Variants in NELFE observed in about 807,000 individuals in gnomAD.
The protein encoded by NELFE is negative elongation factor complex member E, also known as negative elongation factor E.
NELFE carries 26 observed loss-of-function variants against 55.5 expected under a neutral mutation model. The ratio of observed to expected loss-of-function variants is 0.47; its 90% CI spans 0.34 to 0.65. NELFE has a LOEUF of 0.65. Ranked by LOEUF, NELFE falls within the 30% of genes least tolerant of loss-of-function variation. The pLI is 0.01. For missense variants in NELFE, 403 were observed against 506.9 expected, an observed-to-expected ratio of 0.80 and a Z score of 1.97; for synonymous variants, 162 against 178.0, an observed-to-expected ratio of 0.91 and a Z score of 0.72.
Position 31,954,210 on chromosome 6 carries a change from C to T in NELFE, c.888-76G>A, listed in dbSNP as rs544675790. 147 of 1,608,616 alleles carry T rather than the reference C, an allele frequency of 9.1e-5. 2 individuals are homozygous for T. The East Asian group carries it at 3.0e-3, about 33-fold the overall frequency. ...CCCAACCAAACCCAGTGATAATAGG[C>T]GGCTGCAGGGAGGGCAGCTTCTTCC... is the stretch of plus-strand genomic sequence containing the variant. On this transcript the variant is annotated intron_variant, in intron 8 of 10. Transcript: ENST00000375429. This position sits in a 1 kb window ranked among gnomAD's most constrained non-coding sequence, Gnocchi z 5.5.
intron 10 of NELFE, among the ~76,000 whole-genome samples, chr6:31,952,765 G>A (rs1250214759): frequency 6.6e-6 from 1 of 152,136 alleles, no homozygotes; most frequent in Non-Finnish European, 1.5e-5. Context: ...TGCCTGAAGG[G>A]CCACTGTAGC....
chr6:31,958,333 C>G (rs1475496908), intron 2 of NELFE, 39 bp downstream of exon 2: 1 of 1,581,540 alleles, frequency 6.3e-7, no homozygotes, highest in Admixed American at 1.7e-5. Flanking sequence ...AGTGCAGAGT[C>G]TGTGAAAGGT....
Position 31,954,482 on chromosome 6 carries a change from G to A in NELFE, c.743-40C>T, listed in dbSNP as rs543366600. ...ATCATAGTCACAAGACATAGACCAT[G>A]CCACATTTCACTTAGTAGGACCCAC... On this transcript the variant is annotated intron_variant, in intron 7 of 10. Transcript: ENST00000375429. The surrounding 1 kb of genome is among the most constrained non-coding windows in gnomAD (Gnocchi z 5.5). 3.2e-6 allele frequency: 5 copies of A among 1,580,276 alleles called. No homozygotes were observed. Among genetic ancestry groups the A allele is most frequent in the South Asian group, 1.2e-5 (1 of 85,666 alleles).
chr6:31,954,348 G>T lies in NELFE; in HGVS notation c.837C>A (p.Ala279=). The T allele has an allele frequency of 6.2e-7, 1 of 1,613,752 alleles. No homozygotes were observed. The highest frequency in any genetic ancestry group is 8.5e-7 in the Non-Finnish European group (1 of 1,179,882). ...CAATGATGTTTCCAAAAGGAGAGAA[G>T]GCCCCACGGAGAAGGGTGGGTGTCA... The part of the protein sequence containing the change: ...EDMTPTLLRG[A]FSPFGNIIDL... The change falls in exon 8 of 11, where the codon GCC becomes GCA. Residue 279 remains alanine (A), a synonymous_variant. Transcript: ENST00000375429. This position sits in a 1 kb window ranked among gnomAD's most constrained non-coding sequence, Gnocchi z 5.5.
chr6:31,955,371 A>C, intron 4 of NELFE, 78 bp from the exon 5 acceptor site: 1 of 952,604 alleles, frequency 1.0e-6, no homozygotes. Context: ...CTCTTCCCTC[A>C]CCCTCTTCTA....
Position 31,954,769 on chromosome 6 carries a change from G to T in NELFE, c.528C>A (p.Ala176=). 1 of 1,612,958 alleles carries T rather than the reference G, an allele frequency of 6.2e-7. No individual in the cohort carries two copies. The highest frequency in any genetic ancestry group is 8.5e-7 in the Non-Finnish European group (1 of 1,179,984). The change falls in exon 7 of 11, where the codon GCC becomes GCA. Residue 176 remains alanine, a synonymous_variant. Transcript: ENST00000375429. This position sits in a 1 kb window ranked among gnomAD's most constrained non-coding sequence, Gnocchi z 5.5. ...FDWGYEERSG[A]HSSASPPRSR... is the part of the protein sequence containing the mutation. ...TTCGGGGAGGGGAGGCTGAGGAGTG[G>T]GCACCACTGCGTTCTTCATAGCCCC...
chr6:31,954,053 G>A lies in NELFE; in HGVS notation c.942+27C>T, dbSNP rs766526455. The A allele has an allele frequency of 5.6e-6, 9 of 1,611,142 alleles. No individual in the cohort carries two copies. The African/African-American group carries it at 1.1e-4, about 19-fold the overall frequency. The stretch of plus-strand genomic sequence containing the variant: ...ACACATGAGAACAGCAGAAGCGATG[G>A]GAAGAACAGATTTGGGAAGTTCCAA... On this transcript the variant is annotated intron_variant, in intron 9 of 10. Transcript: ENST00000375429. This position sits in a 1 kb window ranked among gnomAD's most constrained non-coding sequence, Gnocchi z 5.5.
intron 1 of NELFE, 47 bp from the exon 2 acceptor site, chr6:31,958,501 C>T (rs1170744525): frequency 6.6e-7 from 1 of 1,522,182 alleles, no homozygotes. Flanking sequence ...CTGTTACCAC[C>T]CGGGGTTCAC....
chr6:31,958,431 G>A lies in NELFE; in HGVS notation c.16C>T (p.Pro6Ser), dbSNP rs770758236. 3 of 1,612,932 alleles carry A rather than the reference G, an allele frequency of 1.9e-6. No individual in the cohort carries two copies. The highest frequency in any genetic ancestry group is 2.5e-6 in the Non-Finnish European group (3 of 1,180,026). MLVIP[P>S]GLSEEEEALQ... ...GCCTCCTCTTCCTCGCTCAGTCCGG[G>A]GGGTATCACCAACATGGTGGCTCCT... is the stretch of plus-strand genomic sequence containing the variant. Residue 6 changes from proline (P) to serine (S), a missense_variant, in exon 2 of 11, where the codon CCC (proline) becomes TCC (serine). By Grantham distance (74) the Pro-to-Ser change is moderately conservative. Coordinates refer to ENST00000375429, the MANE Select transcript of NELFE (RefSeq NM_002904.6).
Position 31,955,249 on chromosome 6 carries a change from C to A in NELFE, c.336G>T (p.Arg112Ser). Residue 112 changes from arginine (R) to serine (S), a missense_variant, in exon 5 of 11, where the codon AGG becomes AGT. Coordinates refer to ENST00000375429, the MANE Select transcript of NELFE (RefSeq NM_002904.6). ...GCAGGTCATCATCAGCAGATATGCTCCTCTGGAACGGCTGGAAAGTGGGGA... is the reference window on the plus strand; with the variant it reads ...GCAGGTCATCATCAGCAGATATGCTACTCTGGAACGGCTGGAAAGTGGGGA... The part of the protein sequence containing the change: ...GPVPTFQPFQ[R>S]SISADDDLQE... 1 of 1,603,184 alleles carries A rather than the reference C, an allele frequency of 6.2e-7. No homozygotes were observed.
intron 4 of NELFE, 132 bp downstream of exon 4, chr6:31,956,561 T>G: frequency 1.0e-6 from 1 of 973,850 alleles, no homozygotes; most frequent in Non-Finnish European, 1.5e-6. Context: ...TTTTTTCATT[T>G]TATACATGAG....
chr6:31,952,319 G>A lies in NELFE; in HGVS notation c.1125C>T (p.Asn375=). The A allele has an allele frequency of 6.2e-7, 1 of 1,613,988 alleles. No individual in the cohort carries two copies. The highest frequency in any genetic ancestry group is 8.5e-7 in the Non-Finnish European group (1 of 1,179,896). Residue 375 remains asparagine, a synonymous_variant, in exon 11 of 11, where the codon AAC becomes AAT. Transcript: ENST00000375429. ...IVYSDDVYKE[N]LVDGF ...CTGTTCCCTAGAAGCCATCCACAAG[G>A]TTTTCCTTGTAGACGTCATCACTGT...
At chr6:31,958,671 C>CT (rs1372072157) in intron 1 of NELFE, 19 of 703,322 alleles carry the variant, frequency 2.7e-5, no homozygotes, top group Non-Finnish European at 4.9e-5. Context: ...ACACCAGCAC[C>CT]TTTAGGTACC....
In NELFE at chr6:31,952,389, T is replaced by C; in HGVS notation, c.1055A>G (p.Asn352Ser). ...GTCCCGGTGGCAACCCTTAGGGCTG[T>C]TCTGGACAGCTAGGGAGGGAGGAGA... ...KSVWGSLAVQ[N>S]SPKGCHRDKR... The change falls in exon 11 of 11, where the codon AAC becomes AGC. Residue 352 changes from asparagine (N) to serine (S), a missense_variant. Coordinates refer to ENST00000375429, the MANE Select transcript of NELFE (RefSeq NM_002904.6). The C allele has an allele frequency of 6.2e-7, 1 of 1,613,452 alleles. No individual in the cohort carries two copies. Among genetic ancestry groups the C allele is most frequent in the Non-Finnish European group, 8.5e-7 (1 of 1,179,452 alleles).
intron 2 of NELFE, 30 bp downstream of exon 2, chr6:31,958,342 G>T: frequency 6.2e-7 from 1 of 1,600,888 alleles, no homozygotes; most frequent in Non-Finnish European, 8.6e-7. Context: ...TCTGTGAAAG[G>T]TTAGGCCATG....
Position 31,952,321 on chromosome 6 carries a change from T to C in NELFE, c.1123A>G (p.Asn375Asp), listed in dbSNP as rs757336072. The change falls in exon 11 of 11, where the codon AAC (asparagine) becomes GAC (aspartate). Residue 375 changes from asparagine (N) to aspartate (D), a missense_variant. Asn to Asp is a conservative substitution (Grantham distance 23). Around this residue, in one of 3 missense-constraint regions of NELFE, gnomAD observed 77 missense variants for 123.3 expected, o/e 0.62. Coordinates refer to ENST00000375429, the MANE Select transcript of NELFE (RefSeq NM_002904.6). ...IVYSDDVYKE[N>D]LVDGF is the part of the protein sequence containing the mutation. ...GTTCCCTAGAAGCCATCCACAAGGT[T>C]TTCCTTGTAGACGTCATCACTGTAG... 1.2e-6 allele frequency: 2 copies of C among 1,613,732 alleles called. No individual in the cohort carries two copies. Among genetic ancestry groups the C allele is most frequent in the Non-Finnish European group, 1.7e-6 (2 of 1,179,664 alleles).
intron 2 of NELFE, 65 bp downstream of exon 2, chr6:31,958,306 AC>A (rs911558866): frequency 6.9e-7 from 1 of 1,454,208 alleles, no homozygotes; most frequent in Non-Finnish European, 9.7e-7. Flanking sequence ...GCTCACACTC[AC>A]CCCATATCTT....
chr6:31,952,434 G>T, intron 10 of NELFE, 36 bp from the exon 11 acceptor site: 1 of 1,504,382 alleles, frequency 6.6e-7, no homozygotes, highest in Non-Finnish European at 9.2e-7. Context: ...AAGGTCTAAA[G>T]GAGATCATAG....
chr6:31,956,103 G>A (rs1772072106), intron 4 of NELFE, among the ~76,000 whole-genome samples: 1 of 150,618 alleles, frequency 6.6e-6, no homozygotes, highest in African/African-American at 2.4e-5. Flanking sequence ...GCTAATTTTT[G>A]TATTTTTAGT....
Sources: gnomAD v4.1 joint callset for allele counts (sites outside exome capture counted in the v4.1 genomes callset) on GRCh38, gnomAD v4.1.1 for gene constraint, gnomAD v4.1.1 regional missense constraint, Gnocchi (gnomAD v3.1) non-coding constraint, MANE v1.5 for transcripts, NCBI Gene and HGNC (gene_info 2026-07-23, HGNC 2026-07-21) for gene names.